LUZP2: variants seen among roughly 807,000 people sequenced by gnomAD.
LUZP2 encodes the protein leucine zipper protein 2.
In LUZP2, 52 loss-of-function variants were observed where a neutral mutation model predicts 51.6. The ratio of observed to expected loss-of-function variants is 1.01; its 90% CI spans 0.81 to 1.27. The LOEUF is 1.27. Ranked by LOEUF, LUZP2 falls within the 50% of genes most tolerant of loss-of-function variation. The pLI is 0.00. For missense variants in LUZP2, 436 were observed against 395.4 expected (o/e 1.10, Z -0.87); for synonymous variants, 154 against 137.3 (o/e 1.12, Z -0.85).
chr11:24,797,295 G>T (rs1036884864), intron 5 of LUZP2, among the ~76,000 whole-genome samples: 2 of 152,128 alleles, frequency 1.3e-5, no homozygotes, highest in Non-Finnish European at 2.9e-5. Flanking sequence ...AATTAGGTTT[G>T]ATAATCCAAG....
chr11:25,028,062 T>A (rs1857547166), intron 9 of LUZP2, among the ~76,000 whole-genome samples: 2 of 152,110 alleles, frequency 1.3e-5, no homozygotes, highest in African/African-American at 4.8e-5. Context: ...TTATTTTTAA[T>A]TAATTTTTAA....
At chr11:24,601,984 ATATG>A (rs200922238) in intron 1 of LUZP2, among the ~76,000 whole-genome samples, 16 of 84,664 alleles carry the variant, frequency 1.9e-4, no homozygotes, top group African/African-American at 5.4e-4. Context: ...ATATGTATAT[ATATG>A]TGTATATATG....
In LUZP2 at chr11:24,527,501, T is replaced by C. The variant is rs145366274; in HGVS notation, c.62+30196T>C. On this transcript the variant is annotated intron_variant, in intron 1 of 11. Coordinates refer to ENST00000336930, the MANE Select transcript of LUZP2 (RefSeq NM_001009909.4). ...TTAAATATTTCAGGCCATAGTACAT[T>C]AATGCTAACAAAAGTGTGAGAATCT... Among the ~76,000 whole-genome samples, 17 of 151,100 alleles carry C rather than the reference T, an allele frequency of 1.1e-4. No individual in the cohort carries two copies. The East Asian group carries it at 3.1e-3, about 28-fold the overall frequency.
intron 9 of LUZP2, among the ~76,000 whole-genome samples, chr11:25,003,661 G>A (rs115324622): frequency 0.02 from 3,082 of 152,238 alleles, 39 homozygotes; most frequent in Admixed American, 0.025. Context: ...AAGGGATATT[G>A]CCTATGATAA....
intron 1 of LUZP2, among the ~76,000 whole-genome samples, chr11:24,689,227 A>AT (rs374194022): frequency 2.0e-5 from 3 of 152,146 alleles, no homozygotes; most frequent in South Asian, 4.1e-4. Context: ...CAAGGTTTGC[A>AT]TTTTTTTCCC....
chr11:24,655,727 C>A (rs919195167), intron 1 of LUZP2, among the ~76,000 whole-genome samples: 1 of 152,148 alleles, frequency 6.6e-6, no homozygotes, highest in Non-Finnish European at 1.5e-5. Context: ...TAGTGACCAG[C>A]CTGCTTGTCC....
rs1403626474 is a variant in LUZP2, at chr11:24,531,054, A to ATTATTATTATTATTATTATTATTATTG, written c.62+33760_62+33761insATTATTATTATTATTGTTATTATTATT. 7.2e-4 allele frequency among the ~76,000 whole-genome samples: 106 copies of ATTATTATTATTATTATTATTATTATTG among 147,042 alleles called. No individual in the cohort carries two copies. The Middle Eastern group carries it at 0.017, about 24-fold the overall frequency. ...TTTAGCCTCTTTTATTATTATTATTATTATTATTATTTTGCCAGTGGAATT... is the reference window on the plus strand; with the variant it reads ...TTTAGCCTCTTTTATTATTATTATTATTATTATTATTATTATTATTATTATTGTTATTATTATTTTGCCAGTGGAATT... On this transcript the variant is annotated intron_variant, in intron 1 of 11. Transcript: ENST00000336930.
intron 7 of LUZP2, among the ~76,000 whole-genome samples, chr11:24,924,068 C>G (rs939211818): frequency 6.6e-6 from 1 of 151,760 alleles, no homozygotes; most frequent in Non-Finnish European, 1.5e-5. Context: ...ACCCAGCCCC[C>G]ACTCCCCGGC....
chr11:24,932,639 C>A (rs1854487247), intron 7 of LUZP2, among the ~76,000 whole-genome samples: 1 of 152,174 alleles, frequency 6.6e-6, no homozygotes. Context: ...AGGCTGCTCT[C>A]ACTCTCACCA....
chr11:24,706,236 G>C (rs1319414833), intron 1 of LUZP2, among the ~76,000 whole-genome samples: 1 of 152,148 alleles, frequency 6.6e-6, no homozygotes, highest in Non-Finnish European at 1.5e-5. Context: ...ATATTGGCTA[G>C]GTGTGGGGTG....
At chr11:25,036,112 A>T (rs994485287) in intron 9 of LUZP2, among the ~76,000 whole-genome samples, 2 of 152,042 alleles carry the variant, frequency 1.3e-5, no homozygotes, top group Non-Finnish European at 2.9e-5. Flanking sequence ...TTTTTGCCTG[A>T]TAGATTCTTT....
intron 4 of LUZP2, among the ~76,000 whole-genome samples, chr11:24,744,281 G>T (rs561034455): frequency 1.3e-5 from 2 of 152,224 alleles, no homozygotes; most frequent in Middle Eastern, 6.8e-3. Context: ...GTGCCAAAAG[G>T]ATTGTTACCA....
At chr11:24,888,238 G>C (rs889329116) in intron 5 of LUZP2, among the ~76,000 whole-genome samples, 2 of 151,934 alleles carry the variant, frequency 1.3e-5, no homozygotes, top group Admixed American at 6.6e-5. Flanking sequence ...CTTGGTTCTT[G>C]CCTGTTTTCT....
chr11:24,943,784 A>G (rs1252370065), intron 7 of LUZP2, among the ~76,000 whole-genome samples: 4 of 151,584 alleles, frequency 2.6e-5, no homozygotes, highest in Admixed American at 6.6e-5. Flanking sequence ...AGGCTGAGGC[A>G]TGAGAACCAC....
chr11:24,818,274 A>T (rs950438609), intron 5 of LUZP2, among the ~76,000 whole-genome samples: 1 of 152,188 alleles, frequency 6.6e-6, no homozygotes, highest in East Asian at 1.9e-4. Context: ...TTTCCTCTGT[A>T]AGAAAGTTTA....
At chr11:24,633,958 G>GTATATATATATATATATA (rs534303582) in intron 1 of LUZP2, among the ~76,000 whole-genome samples, 4 of 134,924 alleles carry the variant, frequency 3.0e-5, no homozygotes, top group Admixed American at 1.6e-4. Flanking sequence ...GTGTGTGTGT[G>GTATATATATATATATATA]TGTGTGTATA....
chr11:24,960,140 G>A (rs1855347665), intron 7 of LUZP2, among the ~76,000 whole-genome samples: 1 of 152,248 alleles, frequency 6.6e-6, no homozygotes, highest in Admixed American at 6.5e-5. Flanking sequence ...TGTGCTGCTG[G>A]ATTCGGTTTG....
At chr11:24,764,490 TAAAAAAA>T (rs869045272) in intron 5 of LUZP2, among the ~76,000 whole-genome samples, 2 of 94,058 alleles carry the variant, frequency 2.1e-5, no homozygotes, top group African/African-American at 3.7e-5. Context: ...ATCTCATCTC[TAAAAAAA>T]AAAAAAAAAA....
At chr11:24,854,383 C>T (rs1017032406) in intron 5 of LUZP2, among the ~76,000 whole-genome samples, 2 of 152,204 alleles carry the variant, frequency 1.3e-5, no homozygotes, top group African/African-American at 4.8e-5. Flanking sequence ...TGGTGGGCTC[C>T]ACCCAGTTCA....
Sources: allele counts gnomAD v4.1 joint callset (sites outside exome capture counted in the v4.1 genomes callset), GRCh38; gene constraint gnomAD v4.1.1; transcripts MANE v1.5; gene names NCBI Gene and HGNC (gene_info 2026-07-23, HGNC 2026-07-21).